The following AGBL4 variants were observed in gnomAD, a reference collection of about 807,000 sequenced individuals.
AGBL4 encodes AGBL carboxypeptidase 4.
Under a neutral mutation model 66.4 loss-of-function variants are expected in AGBL4, and 58 were observed. That is an observed-to-expected ratio of 0.87 (90% CI 0.71 to 1.09). The LOEUF is 1.09. Among genes scored for constraint, AGBL4 ranks in the 50% least tolerant of loss-of-function variants. AGBL4 has a pLI of 0.00. For synonymous variants in AGBL4, 234 were observed against 222.9 expected (o/e 1.05, Z -0.44); for missense variants, 579 against 631.0 (o/e 0.92, Z 0.88).
intron 6 of AGBL4, among the ~76,000 whole-genome samples, chr1:48,825,632 A>G (rs1052105921): frequency 6.6e-6 from 1 of 152,190 alleles, no homozygotes. Flanking sequence ...GACTAAGTGA[A>G]TAAGTGCATA....
chr1:49,735,122 C>T (rs1649759243), intron 2 of AGBL4, among the ~76,000 whole-genome samples: 1 of 151,984 alleles, frequency 6.6e-6, no homozygotes, highest in African/African-American at 2.4e-5. Context: ...TAATCAGCCC[C>T]ACAAAAGTCC....
chr1:49,075,160 T>C (rs1051449879), intron 4 of AGBL4, among the ~76,000 whole-genome samples: 1 of 152,192 alleles, frequency 6.6e-6, no homozygotes, highest in African/African-American at 2.4e-5. Flanking sequence ...TGTCTGTAGT[T>C]CTTCTAGGTC....
chr1:48,531,670 A>G (rs547226480), downstream of AGBL4, among the ~76,000 whole-genome samples: 6 of 152,330 alleles, frequency 3.9e-5, no homozygotes, highest in East Asian at 9.6e-4. Flanking sequence ...TTGGCAGCAC[A>G]GAACAAGTTT....
intron 1 of AGBL4, among the ~76,000 whole-genome samples, chr1:49,922,300 T>C (rs1041735236): frequency 6.6e-6 from 1 of 152,110 alleles, no homozygotes; most frequent in African/African-American, 2.4e-5. Context: ...TGAAGGAACA[T>C]AGCTCAAAAT....
At chr1:48,535,139 A>G (rs754988746) in intron 12 of AGBL4, among the ~76,000 whole-genome samples, 7 of 152,080 alleles carry the variant, frequency 4.6e-5, no homozygotes, top group Admixed American at 6.5e-5. Flanking sequence ...AGTTGTGCAG[A>G]GGCTAGAGAG....
intron 3 of AGBL4, among the ~76,000 whole-genome samples, chr1:49,570,601 A>C (rs1466138626): frequency 6.6e-6 from 1 of 151,890 alleles, no homozygotes; most frequent in Non-Finnish European, 1.5e-5. Context: ...ATTAAGTCTC[A>C]TTTATCTATT....
chr1:48,716,418 A>C (rs982810187), intron 6 of AGBL4, among the ~76,000 whole-genome samples: 1 of 152,198 alleles, frequency 6.6e-6, no homozygotes, highest in Non-Finnish European at 1.5e-5. Flanking sequence ...GGCCAAAGAA[A>C]GATCAAGTAA....
At chr1:48,665,023 T>C (rs1646164287) in intron 6 of AGBL4, among the ~76,000 whole-genome samples, 3 of 152,368 alleles carry the variant, frequency 2.0e-5, no homozygotes, top group African/African-American at 7.2e-5. Context: ...CAACAGTCAC[T>C]GCACCAATGT....
At chr1:49,372,919 C>T (rs999622505) in intron 3 of AGBL4, among the ~76,000 whole-genome samples, 1 of 151,840 alleles carries the variant, frequency 6.6e-6, no homozygotes, top group African/African-American at 2.4e-5. Context: ...CCACCATGTC[C>T]AGCTAATTCC....
chr1:49,077,916 G>A (rs937073863), intron 4 of AGBL4, among the ~76,000 whole-genome samples: 1 of 152,192 alleles, frequency 6.6e-6, no homozygotes, highest in Non-Finnish European at 1.5e-5. Context: ...TTAACAGTCA[G>A]CATTTATTAA....
chr1:49,887,662 T>C (rs149268999), intron 1 of AGBL4, among the ~76,000 whole-genome samples: 15 of 152,168 alleles, frequency 9.9e-5, no homozygotes, highest in African/African-American at 3.6e-4. Flanking sequence ...ATTAAGATTG[T>C]CCAATAAAAC....
At position 49,769,958 on chromosome 1, in the gene AGBL4, A is replaced by T. The variant is rs1227171077; in HGVS notation, c.158-72521T>A. On this transcript the variant is annotated intron_variant, in intron 2 of 13. Transcript: ENST00000371839. ...CAATTGCAACAAAAAACAAAAATTG[A>T]CAAGTGGGACCTAATTAAACTAAAG... 2.6e-5 allele frequency among the ~76,000 whole-genome samples: 4 copies of T among 152,370 alleles called. No individual in the cohort carries two copies. The East Asian group carries it at 7.7e-4, about 29-fold the overall frequency.
chr1:49,971,907 G>GTTGTTTGTTT (rs1553155278), intron 1 of AGBL4, among the ~76,000 whole-genome samples: 1 of 23,428 alleles, frequency 4.3e-5, no homozygotes, highest in Non-Finnish European at 7.9e-5. Context: ...GTTTTTTTGG[G>GTTGTTTGTTT]TTTTTTTTTT....
At chr1:48,548,255 C>T (rs1486711155) in intron 11 of AGBL4, among the ~76,000 whole-genome samples, 1 of 151,450 alleles carries the variant, frequency 6.6e-6, no homozygotes, top group East Asian at 2.0e-4. Flanking sequence ...AAGATCGCAG[C>T]ATTAAGTAGA....
chr1:49,540,722 T>C (rs1219271257), intron 3 of AGBL4, among the ~76,000 whole-genome samples: 2 of 152,216 alleles, frequency 1.3e-5, no homozygotes, highest in African/African-American at 2.4e-5. Flanking sequence ...TAGAAAGATA[T>C]TGAATCACTT....
At chr1:48,868,954 C>T (rs548065308) in intron 5 of AGBL4, among the ~76,000 whole-genome samples, 1 of 152,322 alleles carries the variant, frequency 6.6e-6, no homozygotes, top group East Asian at 1.9e-4. Context: ...TCTCTCCAGT[C>T]TAAATATTCC....
chr1:49,166,504 T>A (rs1646638261), intron 4 of AGBL4, among the ~76,000 whole-genome samples: 1 of 152,142 alleles, frequency 6.6e-6, no homozygotes. Context: ...CCCGGAACTC[T>A]AGTATGTTAT....
chr1:49,400,277 T>A (rs576342050), intron 3 of AGBL4, among the ~76,000 whole-genome samples: 1 of 152,344 alleles, frequency 6.6e-6, no homozygotes, highest in African/African-American at 2.4e-5. Flanking sequence ...CTGTTTTGGT[T>A]ACTGTAGCTC....
At chr1:49,661,902 T>G (rs1646276473) in intron 3 of AGBL4, among the ~76,000 whole-genome samples, 1 of 152,030 alleles carries the variant, frequency 6.6e-6, no homozygotes, top group Non-Finnish European at 1.5e-5. Flanking sequence ...GACCCAAAAC[T>G]GGAAACAACC....
Sources: gnomAD v4.1 joint callset for allele counts (sites outside exome capture counted in the v4.1 genomes callset) on GRCh38, gnomAD v4.1.1 for gene constraint, MANE v1.5 for transcripts, NCBI Gene and HGNC (gene_info 2026-07-23, HGNC 2026-07-21) for gene names.